Variants in EFCAB6 observed in about 807,000 individuals in gnomAD.
The protein encoded by EFCAB6 is EF-hand calcium binding domain 6, also known as EF-hand calcium-binding domain-containing protein 6.
In EFCAB6, 156 loss-of-function variants were observed where a neutral mutation model predicts 169.8. The observed-to-expected ratio is 0.92, with a 90% CI of 0.81 to 1.05. The LOEUF (loss-of-function observed/expected upper bound fraction) is 1.05, where lower values mean the gene tolerates loss of function less well. Among genes scored for constraint, EFCAB6 ranks in the 50% least tolerant of loss-of-function variants. The pLI is 0.00. For missense variants in EFCAB6, 1,800 were observed against 1,829.1 expected (o/e 0.98, Z 0.29); for synonymous variants, 698 against 676.4 (o/e 1.03, Z -0.50).
At chr22:43,621,438 A>T (rs7285369) in intron 20 of EFCAB6, among the ~76,000 whole-genome samples, 30,623 of 152,008 alleles carry the variant, frequency 0.2, 3,277 homozygotes, top group Middle Eastern at 0.27. Flanking sequence ...TAAACAACAC[A>T]CTTCTAAATA....
chr22:43,576,186 C>A lies in EFCAB6; in HGVS notation c.3420+111G>T, dbSNP rs536669914. 6 of 855,752 alleles carry A rather than the reference C, an allele frequency of 7.0e-6. No individual in the cohort carries two copies. In the Admixed American group the frequency reaches 1.5e-4, roughly 21 times the overall value. 53.0% of individuals were successfully genotyped at this position (855,752 alleles called of 1,614,324 possible). A position where few individuals can be genotyped will look rare whatever the true frequency, so the allele number is the denominator to read the frequency against. ...TTTTTCATTTAGAATGAGCTAATTA[C>A]ATGAGGTGATTGCCAATTTATCTGA... On this transcript the variant is annotated intron_variant, in intron 26 of 31. Coordinates refer to ENST00000262726, the MANE Select transcript of EFCAB6 (RefSeq NM_022785.4).
At chr22:43,783,327 A>G (rs189876035) in intron 2 of EFCAB6, among the ~76,000 whole-genome samples, 1 of 152,318 alleles carries the variant, frequency 6.6e-6, no homozygotes, top group East Asian at 1.9e-4. Flanking sequence ...AAGCGCCCAC[A>G]TATTCTTGGG....
At chr22:43,679,686 G>A (rs2057925928) in intron 12 of EFCAB6, among the ~76,000 whole-genome samples, 4 of 152,176 alleles carry the variant, frequency 2.6e-5, no homozygotes, top group Admixed American at 2.0e-4. Flanking sequence ...CCTAGAGGGT[G>A]AGAAGTGGTA....
At chr22:43,803,846 A>G (rs1465717894) in intron 2 of EFCAB6, among the ~76,000 whole-genome samples, 4 of 152,184 alleles carry the variant, frequency 2.6e-5, no homozygotes, top group African/African-American at 4.8e-5. Flanking sequence ...TTTACAGAAC[A>G]TTTCACCCAC....
chr22:43,704,583 G>A (rs2058886666), intron 10 of EFCAB6, among the ~76,000 whole-genome samples: 1 of 152,084 alleles, frequency 6.6e-6, no homozygotes, highest in African/African-American at 2.4e-5. Context: ...AAATTGTCAA[G>A]AAATATATAA....
intron 27 of EFCAB6, among the ~76,000 whole-genome samples, chr22:43,551,318 C>T (rs2147155177): frequency 6.6e-6 from 1 of 152,264 alleles, no homozygotes; most frequent in African/African-American, 2.4e-5. Flanking sequence ...GGGCATTTGC[C>T]CCAAGTATAG....
At chr22:43,648,361 G>C (rs922525707) in intron 17 of EFCAB6, among the ~76,000 whole-genome samples, 1 of 152,142 alleles carries the variant, frequency 6.6e-6, no homozygotes, top group East Asian at 1.9e-4. Flanking sequence ...TGCACACCGT[G>C]GAATACTACA....
At position 43,744,496 on chromosome 22, in the gene EFCAB6, A is replaced by ATT. The variant is rs1318259534; in HGVS notation, c.508-8505_508-8504dup. On this transcript the variant is annotated intron_variant, in intron 6 of 31. Coordinates refer to ENST00000262726, the MANE Select transcript of EFCAB6 (RefSeq NM_022785.4). The surrounding 1 kb of genome is among the most constrained non-coding windows in gnomAD (Gnocchi z 4.3). Reference sequence around the variant, plus strand: ...ATTTTGGTATGGACGGGACTTGTGAATTTTCCATGGGTTAAGAGGACACCA... The same window carrying ATT: ...ATTTTGGTATGGACGGGACTTGTGAATTTTTTCCATGGGTTAAGAGGACACCA... Among the ~76,000 whole-genome samples the ATT allele has an allele frequency of 6.6e-6, 1 of 152,150 alleles. No homozygotes were observed. Among genetic ancestry groups the ATT allele is most frequent in the Non-Finnish European group, 1.5e-5 (1 of 68,030 alleles).
At chr22:43,696,174 T>C (rs2058569081) in intron 10 of EFCAB6, among the ~76,000 whole-genome samples, 1 of 152,054 alleles carries the variant, frequency 6.6e-6, no homozygotes, top group Non-Finnish European at 1.5e-5. Flanking sequence ...AAAGAATATA[T>C]ATGAATGGCC....
intron 28 of EFCAB6, among the ~76,000 whole-genome samples, chr22:43,539,470 A>G (rs1352304166): frequency 3.3e-5 from 5 of 152,230 alleles, no homozygotes; most frequent in Non-Finnish European, 7.3e-5. Flanking sequence ...GGACTAGCCA[A>G]GGTCAAGGTC....
chr22:43,645,563 A>G (rs1186802453), intron 17 of EFCAB6, among the ~76,000 whole-genome samples: 18 of 152,204 alleles, frequency 1.2e-4, no homozygotes, highest in Non-Finnish European at 1.3e-4. Context: ...TTTATAAACC[A>G]TTTACTATGG....
chr22:43,757,107 C>CT (rs898686678), intron 5 of EFCAB6, among the ~76,000 whole-genome samples: 35 of 152,198 alleles, frequency 2.3e-4, no homozygotes, highest in African/African-American at 8.2e-4. Context: ...TAGGAGGAAA[C>CT]TGAGTCTCAG....
intron 26 of EFCAB6, among the ~76,000 whole-genome samples, chr22:43,569,776 G>T (rs1026324556): frequency 1.3e-5 from 2 of 152,248 alleles, no homozygotes; most frequent in Non-Finnish European, 2.9e-5. Context: ...GGCAAGTAGA[G>T]AGTGAGTGAA....
chr22:43,589,614 C>T (rs2051329443), intron 24 of EFCAB6, among the ~76,000 whole-genome samples: 1 of 152,096 alleles, frequency 6.6e-6, no homozygotes, highest in African/African-American at 2.4e-5. Context: ...GTGGTGAAAC[C>T]CCGTCTCTAC....
chr22:43,740,992 C>T (rs1412860692), intron 6 of EFCAB6, among the ~76,000 whole-genome samples: 2 of 152,182 alleles, frequency 1.3e-5, no homozygotes, highest in Non-Finnish European at 2.9e-5. Flanking sequence ...GCGACGTCTC[C>T]AAGGCTCTTA....
At chr22:43,612,087 G>A (rs759929305) in intron 21 of EFCAB6, among the ~76,000 whole-genome samples, 62 of 152,326 alleles carry the variant, frequency 4.1e-4, no homozygotes, top group Admixed American at 1.4e-3. Context: ...AATAAATGGT[G>A]CTGGGATAAC....
rs151170533 is a variant in EFCAB6 at position 43,709,886 on chromosome 22, TCGTA to T, written c.1031+1585_1031+1588del. Among the ~76,000 whole-genome samples the T allele has an allele frequency of 2.9e-4, 44 of 152,294 alleles. No individual in the cohort carries two copies. The East Asian group carries it at 6.2e-3, about 21-fold the overall frequency. On this transcript the variant is annotated intron_variant, in intron 10 of 31. Transcript: ENST00000262726. ...GCTTTCACTATAAAAGCCACAGCAT[TCGTA>T]CATGGTGATTCTCTCTGGACATATA...
Position 43,719,035 on chromosome 22 carries a change from G to A in EFCAB6, c.758-2063C>T, listed in dbSNP as rs146043623. On this transcript the variant is annotated intron_variant, in intron 8 of 31. Transcript: ENST00000262726. Reference sequence around the variant, plus strand: ...CACTGGTACTCTCATGGCACATTTCGGGAAGCCCACTGGGGCTCTGTTTAA... The same window carrying A: ...CACTGGTACTCTCATGGCACATTTCAGGAAGCCCACTGGGGCTCTGTTTAA... Among the ~76,000 whole-genome samples the A allele has an allele frequency of 4.0e-3, 602 of 152,234 alleles. 1 individual carries two copies. Among genetic ancestry groups the A allele is most frequent in the Middle Eastern group, 6.8e-3 (2 of 294 alleles).
At chr22:43,725,813 A>G (rs1300726069) in intron 8 of EFCAB6, among the ~76,000 whole-genome samples, 3 of 152,182 alleles carry the variant, frequency 2.0e-5, no homozygotes, top group African/African-American at 7.2e-5. Context: ...CCAAACTACT[A>G]TATCTTTATT....
Sources: allele counts gnomAD v4.1 joint callset (sites outside exome capture counted in the v4.1 genomes callset), GRCh38; gene constraint gnomAD v4.1.1; non-coding constraint Gnocchi (gnomAD v3.1); transcripts MANE v1.5; gene names NCBI Gene and HGNC (gene_info 2026-07-23, HGNC 2026-07-21).